The following PDE10A variants were observed in gnomAD, a reference collection of about 807,000 sequenced individuals.
The protein encoded by PDE10A is cAMP and cAMP-inhibited cGMP 3',5'-cyclic phosphodiesterase 10A.
Under a neutral mutation model 97.7 loss-of-function variants are expected in PDE10A, and 39 were observed. That is an observed-to-expected ratio of 0.40 (90% CI 0.31 to 0.52). The LOEUF is 0.52. Ranked by LOEUF, PDE10A falls within the 20% of genes least tolerant of loss-of-function variation. The probability of loss-of-function intolerance (pLI) is 0.56; values close to 1 mark genes in which losing one functional copy is unlikely to be tolerated. For missense variants in PDE10A, 731 were observed against 1,047.8 expected (o/e 0.70, Z 4.17); for synonymous variants, 371 against 376.8 (o/e 0.98, Z 0.18).
chr6:165,551,817 G>A (rs943565636), intron 1 of PDE10A, among the ~76,000 whole-genome samples: 8 of 152,162 alleles, frequency 5.3e-5, no homozygotes, highest in African/African-American at 1.9e-4. Flanking sequence ...TTGATAAAGA[G>A]GTGGAAAGAA....
Position 165,818,277 on chromosome 6 carries a change from G to A in PDE10A, c.-615+169252C>T, listed in dbSNP as rs78920196. ...CCAATAAGAAGTAAAAGGAGAAACTGATGAAGGAGGCTGAGAAATAGAAGA... is the reference window on the plus strand; with the variant it reads ...CCAATAAGAAGTAAAAGGAGAAACTAATGAAGGAGGCTGAGAAATAGAAGA... On this transcript the variant is annotated intron_variant, in intron 1 of 19. Transcript: ENST00000366882. Among the ~76,000 whole-genome samples the A allele has an allele frequency of 5.1e-4, 78 of 152,304 alleles. 1 individual carries two copies. The East Asian group carries it at 0.015, about 29-fold the overall frequency.
rs1491397148 is a variant in PDE10A, at chr6:165,811,245, AAC to A, written c.-615+176282_-615+176283del. 2.6e-5 allele frequency among the ~76,000 whole-genome samples: 4 copies of A among 152,150 alleles called. No homozygotes were observed. The South Asian group carries it at 6.2e-4, about 24-fold the overall frequency. On this transcript the variant is annotated intron_variant, in intron 1 of 19. Coordinates refer to the PDE10A transcript ENST00000366882. ...CTCAAAAAAAACAAACACAAAAACA[AAC>A]ACACAAAAAAAGCACTTCCTAGAAG...
intron 1 of PDE10A, among the ~76,000 whole-genome samples, chr6:165,761,019 C>T (rs545094013): frequency 6.6e-6 from 1 of 152,192 alleles, no homozygotes; most frequent in Admixed American, 6.5e-5. Flanking sequence ...GAGAACGGGG[C>T]GGAGCCTTGC....
At chr6:165,682,326 G>T (rs1199484301) in intron 1 of PDE10A, among the ~76,000 whole-genome samples, 1 of 152,026 alleles carries the variant, frequency 6.6e-6, no homozygotes, top group African/African-American at 2.4e-5. Flanking sequence ...TAGGGCTGGG[G>T]TCTTGCCATG....
intron 1 of PDE10A, among the ~76,000 whole-genome samples, chr6:165,985,126 A>T (rs1325419909): frequency 6.6e-6 from 1 of 152,222 alleles, no homozygotes; most frequent in Non-Finnish European, 1.5e-5. Flanking sequence ...TCACACAAAT[A>T]AGCCCTCTAC....
chr6:165,455,185 C>A (rs1022561023), intron 3 of PDE10A, among the ~76,000 whole-genome samples: 1 of 151,958 alleles, frequency 6.6e-6, no homozygotes, highest in Non-Finnish European at 1.5e-5. Flanking sequence ...GCTCTGTTGC[C>A]CAGGCTGGAA....
At chr6:165,712,119 TG>T (rs1462820343) in intron 1 of PDE10A, among the ~76,000 whole-genome samples, 2 of 152,074 alleles carry the variant, frequency 1.3e-5, no homozygotes, top group Non-Finnish European at 2.9e-5. Context: ...TGGAGGGTTC[TG>T]GGCTCCACCG....
intron 1 of PDE10A, chr6:165,986,662 G>A (rs1465531402): frequency 1.3e-5 from 2 of 152,184 alleles, no homozygotes; most frequent in African/African-American, 4.8e-5. Flanking sequence ...GGCTCCTTGG[G>A]TGCCTCAGCG....
At chr6:165,692,468 T>C (rs1477180157) in intron 1 of PDE10A, among the ~76,000 whole-genome samples, 1 of 152,198 alleles carries the variant, frequency 6.6e-6, no homozygotes, top group Non-Finnish European at 1.5e-5. Flanking sequence ...CTGGCAGCGC[T>C]GGGCTCTCAG....
chr6:165,499,671 C>T (rs1411368650), intron 2 of PDE10A, among the ~76,000 whole-genome samples: 1 of 152,106 alleles, frequency 6.6e-6, no homozygotes, highest in Non-Finnish European at 1.5e-5. Context: ...TTATAAAAGT[C>T]AATTTTATCC....
chr6:165,911,988 T>C (rs1488350659), intron 1 of PDE10A, among the ~76,000 whole-genome samples: 1 of 152,012 alleles, frequency 6.6e-6, no homozygotes, highest in African/African-American at 2.4e-5. Context: ...AGTCTAAATA[T>C]ATATATATAT....
chr6:165,823,838 C>T lies in PDE10A; in HGVS notation c.-615+163691G>A, dbSNP rs188425702. On this transcript the variant is annotated intron_variant, in intron 1 of 19. Transcript: ENST00000366882. ...CAGCTCCATAATCATCTTACGGGAC[C>T]GCTGTCATATATGCAATCTGTCATT... is the stretch of plus-strand genomic sequence containing the variant. Among the ~76,000 whole-genome samples, 89 of 152,048 alleles carry T rather than the reference C, an allele frequency of 5.9e-4. 1 individual carries two copies. The highest frequency in any genetic ancestry group is 1.8e-3 in the African/African-American group (76 of 41,476).
chr6:165,809,665 T>C (rs1374507598), intron 1 of PDE10A, among the ~76,000 whole-genome samples: 2 of 152,206 alleles, frequency 1.3e-5, no homozygotes, highest in Non-Finnish European at 2.9e-5. Context: ...GAGTGCTTAG[T>C]GAGCAAACCT....
chr6:165,696,301 C>A (rs1017557917), intron 1 of PDE10A, among the ~76,000 whole-genome samples: 1 of 152,084 alleles, frequency 6.6e-6, no homozygotes, highest in African/African-American at 2.4e-5. Context: ...TCTGAAAATA[C>A]CGAATGAAAA....
chr6:165,747,567 T>C (rs1792870954), intron 1 of PDE10A, among the ~76,000 whole-genome samples: 1 of 151,896 alleles, frequency 6.6e-6, no homozygotes, highest in African/African-American at 2.4e-5. Flanking sequence ...GGCTGAAGTC[T>C]GTGCTGAAAA....
At chr6:165,763,442 C>T (rs1399336566) in intron 1 of PDE10A, among the ~76,000 whole-genome samples, 1 of 137,970 alleles carries the variant, frequency 7.2e-6, no homozygotes, top group African/African-American at 2.6e-5. Context: ...CGTGCCTCAG[C>T]CCCCCCAGTA....
chr6:165,543,330 G>C, intron 2 of PDE10A, 110 bp downstream of exon 2: 1 of 756,498 alleles, frequency 1.3e-6, no homozygotes, highest in Non-Finnish European at 2.0e-6. Flanking sequence ...GAATTACAGT[G>C]TTAATATTTG....
At chr6:165,359,561 C>A (rs1783250294) in intron 18 of PDE10A, among the ~76,000 whole-genome samples, 1 of 152,142 alleles carries the variant, frequency 6.6e-6, no homozygotes. Context: ...TAAAATTCTG[C>A]ATTTTTTCAC....
chr6:165,912,144 T>C (rs1197183611), intron 1 of PDE10A, among the ~76,000 whole-genome samples: 1 of 152,096 alleles, frequency 6.6e-6, no homozygotes, highest in African/African-American at 2.4e-5. Flanking sequence ...ACCTATTATC[T>C]ATCTAACTAT....
Sources: allele counts gnomAD v4.1 joint callset (sites outside exome capture counted in the v4.1 genomes callset), GRCh38; gene constraint gnomAD v4.1.1; transcripts MANE v1.5; gene names NCBI Gene and HGNC (gene_info 2026-07-23, HGNC 2026-07-21).